The following RRAS2 variants were observed in gnomAD, a reference collection of about 807,000 sequenced individuals.
The protein encoded by RRAS2 is RAS related 2, also known as ras-related protein R-Ras2.
A neutral mutation model predicts 27.6 loss-of-function variants in RRAS2; 7 were observed. The ratio of observed to expected loss-of-function variants is 0.25; its 90% confidence interval spans 0.14 to 0.48. The LOEUF is 0.48. Ranked by LOEUF, RRAS2 falls within the 20% of genes least tolerant of loss-of-function variation. The probability of loss-of-function intolerance (pLI) is 0.99; values close to 1 mark genes in which losing one functional copy is unlikely to be tolerated. For missense variants in RRAS2, 178 were observed against 256.2 expected (o/e 0.69, Z 2.08); for synonymous variants, 86 against 90.9 (o/e 0.95, Z 0.31).
chr11:14,332,675 A>G (rs1321898082), intron 1 of RRAS2, among the ~76,000 whole-genome samples: 2 of 152,326 alleles, frequency 1.3e-5, no homozygotes, highest in South Asian at 2.1e-4. Context: ...GGGAATAAAA[A>G]GTCAGAAGGG....
intron 5 of RRAS2, 83 bp from the exon 6 acceptor site, chr11:14,279,507 A>C: frequency 9.8e-7 from 1 of 1,022,242 alleles, no homozygotes; most frequent in Non-Finnish European, 1.5e-6. Context: ...GTACAAGTTC[A>C]CTTTTAAGTG....
At chr11:14,299,760 T>A (rs750685010) in intron 1 of RRAS2, among the ~76,000 whole-genome samples, 1 of 152,112 alleles carries the variant, frequency 6.6e-6, no homozygotes, top group African/African-American at 2.4e-5. Context: ...CAACCACCAG[T>A]AGTTGAGGTA....
chr11:14,320,669 G>C (rs1848202250), intron 1 of RRAS2, among the ~76,000 whole-genome samples: 1 of 152,074 alleles, frequency 6.6e-6, no homozygotes, highest in South Asian at 2.1e-4. Context: ...TAAAATTAAA[G>C]CACAGGGAAA....
intron 1 of RRAS2, among the ~76,000 whole-genome samples, chr11:14,320,393 A>G (rs1848198252): frequency 6.6e-6 from 1 of 152,250 alleles, no homozygotes; most frequent in South Asian, 2.1e-4. Context: ...CTCAGTACCA[A>G]AAGCCAGATC....
intron 1 of RRAS2, among the ~76,000 whole-genome samples, chr11:14,302,071 C>G (rs887830971): frequency 3.8e-5 from 4 of 104,072 alleles, no homozygotes; most frequent in Admixed American, 2.5e-4. Context: ...GTACCACACA[C>G]ATACACACAC....
intron 1 of RRAS2, among the ~76,000 whole-genome samples, chr11:14,302,450 A>G (rs1389977811): frequency 6.6e-6 from 1 of 152,208 alleles, no homozygotes; most frequent in African/African-American, 2.4e-5. Context: ...ATCCAAATCC[A>G]GAAGCCATCC....
chr11:14,334,762 C>T (rs1200123997), intron 1 of RRAS2, among the ~76,000 whole-genome samples: 1 of 152,164 alleles, frequency 6.6e-6, no homozygotes, highest in Non-Finnish European at 1.5e-5. Flanking sequence ...AAATCTCCTC[C>T]AACCTTCTCA....
intron 1 of RRAS2, among the ~76,000 whole-genome samples, chr11:14,339,528 T>C (rs1419238226): frequency 1.3e-5 from 2 of 152,166 alleles, no homozygotes; most frequent in Admixed American, 6.5e-5. Flanking sequence ...TACCTCCAAC[T>C]GAAACTTAGC....
chr11:14,301,919 G>A (rs1847716796), intron 1 of RRAS2, among the ~76,000 whole-genome samples: 1 of 152,068 alleles, frequency 6.6e-6, no homozygotes, highest in Admixed American at 6.6e-5. Flanking sequence ...GGTGGCAGAG[G>A]TTGCAGTAAG....
rs1554954209 is a variant in RRAS2, at chr11:14,347,661, A to T, written c.108+11102T>A. Among the ~76,000 whole-genome samples the T allele has an allele frequency of 2.0e-5, 3 of 152,052 alleles. No individual in the cohort carries two copies. The East Asian group carries it at 5.8e-4, about 29-fold the overall frequency. ...ATAGCGAGACCTCGTCGCTACAAAAAATCAAAAACTTAGGTACAGTGGCTC... is the reference window on the plus strand; with the variant it reads ...ATAGCGAGACCTCGTCGCTACAAAATATCAAAAACTTAGGTACAGTGGCTC... On this transcript the variant is annotated intron_variant, in intron 1 of 5. Transcript: ENST00000256196.
intron 4 of RRAS2, among the ~76,000 whole-genome samples, chr11:14,284,530 T>C (rs1332695803): frequency 6.6e-6 from 1 of 152,218 alleles, no homozygotes; most frequent in Non-Finnish European, 1.5e-5. Flanking sequence ...AGTATTGTTG[T>C]TCAAGTCATC....
chr11:14,280,134 T>TA (rs1849482642), intron 5 of RRAS2, among the ~76,000 whole-genome samples: 1 of 152,052 alleles, frequency 6.6e-6, no homozygotes, highest in South Asian at 2.1e-4. Flanking sequence ...GAAAGGGGGG[T>TA]AAAATACATA....
Position 14,358,630 on chromosome 11 carries a change from C to G in RRAS2, c.108+133G>C, listed in dbSNP as rs1220989990. 5.1e-6 allele frequency: 5 copies of G among 977,308 alleles called. No homozygotes were observed. Among genetic ancestry groups the G allele is most frequent in the Non-Finnish European group, 6.1e-6 (5 of 822,290 alleles). 60.5% of individuals were successfully genotyped at this position (977,308 alleles called of 1,614,324 possible). ...GCAGGAGCGTAGTCGGCCCCGCGCCCTCCCGCCCCCTGGCCCCGGCCCGGG... is the reference window on the plus strand; with the variant it reads ...GCAGGAGCGTAGTCGGCCCCGCGCCGTCCCGCCCCCTGGCCCCGGCCCGGG... On this transcript the variant is annotated intron_variant, in intron 1 of 5. Coordinates refer to ENST00000256196, the MANE Select transcript of RRAS2 (RefSeq NM_012250.6). The surrounding 1 kb of genome is among the most constrained non-coding windows in gnomAD (Gnocchi z 5.1).
At chr11:14,359,255 G>A (rs909156343), upstream of RRAS2, 7 of 760,076 alleles carry the variant, frequency 9.2e-6, no homozygotes, top group Non-Finnish European at 1.1e-5. Context: ...CGCGCCGCTT[G>A]GGGCTGAGGT....
intron 1 of RRAS2, among the ~76,000 whole-genome samples, chr11:14,350,717 A>G (rs1222731312): frequency 2.0e-5 from 3 of 152,174 alleles, no homozygotes; most frequent in Non-Finnish European, 4.4e-5. Flanking sequence ...AATTGCAAAA[A>G]AAAAATCTCA....
chr11:14,310,939 C>T (rs1430576920), intron 1 of RRAS2, among the ~76,000 whole-genome samples: 3 of 152,324 alleles, frequency 2.0e-5, no homozygotes, highest in Middle Eastern at 3.4e-3. Context: ...AGGGATTAGC[C>T]AAGAACCATC....
At chr11:14,334,831 T>G (rs1333229098) in intron 1 of RRAS2, among the ~76,000 whole-genome samples, 2 of 152,204 alleles carry the variant, frequency 1.3e-5, no homozygotes, top group Non-Finnish European at 2.9e-5. Flanking sequence ...GTACTAGCTT[T>G]TTCCTCAGCA....
Position 14,304,751 on chromosome 11 carries a change from T to C in RRAS2, c.109-8896A>G, listed in dbSNP as rs186546584. On this transcript the variant is annotated intron_variant, in intron 1 of 5. Transcript: ENST00000256196. ...TTTTCTAAAACAAGAGCAGAGCAAATTCCTCTGGTAACACTAGAGAAGACT... is the reference window on the plus strand; with the variant it reads ...TTTTCTAAAACAAGAGCAGAGCAAACTCCTCTGGTAACACTAGAGAAGACT... Among the ~76,000 whole-genome samples, 10 of 152,264 alleles carry C rather than the reference T, an allele frequency of 6.6e-5. No homozygotes were observed. In the East Asian group the frequency reaches 1.7e-3, roughly 26 times the overall value.
intron 4 of RRAS2, among the ~76,000 whole-genome samples, chr11:14,291,036 T>C (rs187718634): frequency 6.6e-6 from 1 of 152,112 alleles, no homozygotes; most frequent in African/African-American, 2.4e-5. Context: ...GGTGGAGAAG[T>C]TGATCATAGA....
Sources: allele counts gnomAD v4.1 joint callset (sites outside exome capture counted in the v4.1 genomes callset), GRCh38; gene constraint gnomAD v4.1.1; non-coding constraint Gnocchi (gnomAD v3.1); transcripts MANE v1.5; gene names NCBI Gene and HGNC (gene_info 2026-07-23, HGNC 2026-07-21).